The following SIK3 variants were observed in gnomAD, a reference collection of about 807,000 sequenced individuals.
The protein encoded by SIK3 is serine/threonine-protein kinase SIK3.
Under a neutral mutation model 144.2 loss-of-function variants are expected in SIK3, and 28 were observed. The observed-to-expected ratio is 0.19, with a 90% confidence interval of 0.14 to 0.27. SIK3 has a LOEUF of 0.27. SIK3 is among the 10% of genes least tolerant of loss of function. The pLI is 1.00. For missense variants in SIK3, 1,319 were observed against 1,776.0 expected (o/e 0.74, Z 4.62); for synonymous variants, 686 against 676.3 (o/e 1.01, Z -0.22).
rs776389138 is a variant in SIK3 at position 116,957,010 on chromosome 11, T to G, written c.328A>C (p.Ile110Leu). ...TQLDEENLKK[I>L]FREVQIMKML... The stretch of plus-strand genomic sequence containing the variant: ...TTCATAATTTGAACTTCCCGGAAAA[T>G]CTTCTTCAAGTTTTCTTCATCCAGC... The change falls in exon 2 of 25, where the codon ATT becomes CTT. Residue 110 changes from isoleucine (I) to leucine (L), a missense_variant. By Grantham distance (5) the Ile-to-Leu change is conservative (BLOSUM62 2). Around this residue, in one of 8 missense-constraint regions of SIK3, gnomAD observed 125 missense variants for 285.2 expected, o/e 0.44. Coordinates refer to ENST00000445177, the MANE Select transcript of SIK3 (RefSeq NM_001366686.3). The G allele has an allele frequency of 1.9e-6, 3 of 1,611,238 alleles. No individual in the cohort carries two copies. The East Asian group carries it at 6.7e-5, about 36-fold the overall frequency.
chr11:117,052,421 C>T (rs1424468137), intron 1 of SIK3, among the ~76,000 whole-genome samples: 1 of 152,136 alleles, frequency 6.6e-6, no homozygotes, highest in East Asian at 1.9e-4. Context: ...GGCAGTAAAA[C>T]CTGACCATAA....
intron 3 of SIK3, among the ~76,000 whole-genome samples, chr11:116,953,280 A>T (rs1473327): frequency 0.16 from 24,841 of 152,112 alleles, 2,152 homozygotes; most frequent in Admixed American, 0.21. Context: ...AATTTTTTTT[A>T]AAATGAGGAA....
chr11:117,007,169 G>T (rs1462738386), intron 1 of SIK3, among the ~76,000 whole-genome samples: 2 of 152,226 alleles, frequency 1.3e-5, no homozygotes, highest in Non-Finnish European at 2.9e-5. Context: ...CCTGACGTCA[G>T]GAGATTGAGA....
intron 4 of SIK3, among the ~76,000 whole-genome samples, chr11:116,905,886 A>C (rs898150581): frequency 6.6e-6 from 1 of 152,228 alleles, no homozygotes; most frequent in Non-Finnish European, 1.5e-5. Flanking sequence ...ATGATTTGCA[A>C]ATATTTTCTC....
In SIK3 at chr11:117,087,177, T is replaced by C. The variant is rs533027675; in HGVS notation, c.273+10966A>G. Reference sequence around the variant, plus strand: ...AGACTTGGCCGGGTGCGGTGGCTCATGCCTGTAATACCACCACTCTGAGAG... The same window carrying C: ...AGACTTGGCCGGGTGCGGTGGCTCACGCCTGTAATACCACCACTCTGAGAG... On this transcript the variant is annotated intron_variant, in intron 1 of 24. Coordinates refer to ENST00000445177, the MANE Select transcript of SIK3 (RefSeq NM_001366686.3). Among the ~76,000 whole-genome samples, 96 of 152,110 alleles carry C rather than the reference T, an allele frequency of 6.3e-4. 1 individual carries two copies. Among genetic ancestry groups the C allele is most frequent in the African/African-American group, 2.2e-3 (93 of 41,498 alleles).
chr11:117,058,329 G>T (rs956630571), intron 1 of SIK3, among the ~76,000 whole-genome samples: 1 of 152,040 alleles, frequency 6.6e-6, no homozygotes, highest in Non-Finnish European at 1.5e-5. Context: ...AGACCAGCCT[G>T]ACCAACATGG....
chr11:117,070,776 A>C (rs1954238306), intron 1 of SIK3, among the ~76,000 whole-genome samples: 1 of 131,274 alleles, frequency 7.6e-6, no homozygotes, highest in African/African-American at 3.0e-5. Context: ...TTTTGTGACG[A>C]AGTTTCACTC....
At chr11:116,968,740 T>G (rs1949654440) in intron 1 of SIK3, among the ~76,000 whole-genome samples, 1 of 152,176 alleles carries the variant, frequency 6.6e-6, no homozygotes, top group African/African-American at 2.4e-5. Context: ...GATGCTAAGG[T>G]AGAACCAAGG....
At chr11:116,890,474 T>C (rs1333096380) in intron 6 of SIK3, among the ~76,000 whole-genome samples, 2 of 152,202 alleles carry the variant, frequency 1.3e-5, no homozygotes, top group Non-Finnish European at 2.9e-5. Context: ...TGGTTCTGAT[T>C]CAGATTTCAT....
intron 1 of SIK3, among the ~76,000 whole-genome samples, chr11:117,075,670 G>A (rs1258375446): frequency 6.8e-6 from 1 of 146,356 alleles, no homozygotes; most frequent in Non-Finnish European, 1.5e-5. Context: ...GCCTCCCAAG[G>A]AGCTGGGACT....
intron 4 of SIK3, among the ~76,000 whole-genome samples, chr11:116,921,482 TTC>T (rs1009720694): frequency 1.3e-4 from 20 of 152,200 alleles, no homozygotes; most frequent in African/African-American, 4.1e-4. Context: ...CCTCCACAAA[TTC>T]TTAGTTCTAG....
Position 116,863,556 on chromosome 11 carries a change from A to G in SIK3, c.2103+112T>C. On this transcript the variant is annotated intron_variant, in intron 16 of 24. Coordinates refer to ENST00000445177, the MANE Select transcript of SIK3 (RefSeq NM_001366686.3). Reference sequence around the variant, plus strand: ...GAAAGCTATACTTTTTTAACCTATAAAACTGCAATGTTGCTGACATAAAAG... The same window carrying G: ...GAAAGCTATACTTTTTTAACCTATAGAACTGCAATGTTGCTGACATAAAAG... 16 of 1,486,214 alleles carry G rather than the reference A, an allele frequency of 1.1e-5. No homozygotes were observed. The South Asian group carries it at 1.8e-4, about 17-fold the overall frequency. 92.1% of individuals were successfully genotyped at this position (1,486,214 alleles called of 1,614,324 possible). A position where few individuals can be genotyped will look rare whatever the true frequency, so the allele number is the denominator to read the frequency against.
chr11:116,858,726 C>T lies in SIK3; in HGVS notation c.2766-27G>A. ...TGCAGACACAAAAGGGAGTACCAGA[C>T]ATCCATGTAACAAGTACTAGACTTC... On this transcript the variant is annotated intron_variant, in intron 20 of 24. Transcript: ENST00000445177. The surrounding 1 kb of genome is among the most constrained non-coding windows in gnomAD (Gnocchi z 5.4). 1.3e-6 allele frequency: 2 copies of T among 1,520,946 alleles called. No homozygotes were observed. Among genetic ancestry groups the T allele is most frequent in the African/African-American group, 1.4e-5 (1 of 72,002 alleles). 94.2% of individuals were successfully genotyped at this position (1,520,946 alleles called of 1,614,324 possible). A position where few individuals can be genotyped will look rare whatever the true frequency, so the allele number is the denominator to read the frequency against.
At chr11:116,994,707 G>A (rs926660352) in intron 1 of SIK3, among the ~76,000 whole-genome samples, 1 of 152,126 alleles carries the variant, frequency 6.6e-6, no homozygotes, top group Non-Finnish European at 1.5e-5. Context: ...TCCTGTTACA[G>A]AGCACCAGGA....
chr11:116,853,350 T>G (rs1330398762), intron 21 of SIK3, among the ~76,000 whole-genome samples: 2 of 152,186 alleles, frequency 1.3e-5, no homozygotes, highest in Non-Finnish European at 2.9e-5. Context: ...CAACCCTTTA[T>G]GCCAATTCAG....
intron 1 of SIK3, among the ~76,000 whole-genome samples, chr11:117,026,408 A>G (rs57643685): frequency 0.025 from 3,843 of 152,264 alleles, 149 homozygotes; most frequent in East Asian, 0.2. Flanking sequence ...GCAGTGCGTG[A>G]CTATACTTGC....
chr11:116,970,678 T>G (rs1351169385), intron 1 of SIK3, among the ~76,000 whole-genome samples: 1 of 151,854 alleles, frequency 6.6e-6, no homozygotes, highest in African/African-American at 2.4e-5. Flanking sequence ...AGAGACAGAG[T>G]CTTGCTCCGT....
chr11:116,883,802 C>T (rs1283349071), intron 6 of SIK3, among the ~76,000 whole-genome samples: 2 of 151,998 alleles, frequency 1.3e-5, no homozygotes, highest in South Asian at 2.1e-4. Flanking sequence ...GGCATGGTGG[C>T]GTGTGCCTGT....
intron 4 of SIK3, among the ~76,000 whole-genome samples, chr11:116,898,713 C>T (rs1945566450): frequency 6.7e-6 from 1 of 148,810 alleles, no homozygotes; most frequent in Non-Finnish European, 1.5e-5. Flanking sequence ...ATTTGCATTT[C>T]TCTGATGGCC....
Sources: gnomAD v4.1 joint callset for allele counts (sites outside exome capture counted in the v4.1 genomes callset) on GRCh38, gnomAD v4.1.1 for gene constraint, gnomAD v4.1.1 regional missense constraint, Gnocchi (gnomAD v3.1) non-coding constraint, MANE v1.5 for transcripts, NCBI Gene and HGNC (gene_info 2026-07-23, HGNC 2026-07-21) for gene names.